The following NOL4 variants were observed in gnomAD, a reference collection of about 807,000 sequenced individuals.
NOL4 encodes cancer/testis antigen 125.
Under a neutral mutation model 75.9 loss-of-function variants are expected in NOL4, and 17 were observed. That is an observed-to-expected ratio of 0.22 (90% confidence interval 0.15 to 0.34). The LOEUF is 0.34. Among genes scored for constraint, NOL4 ranks in the 10% least tolerant of loss-of-function variants. The pLI, the probability that NOL4 is intolerant of heterozygous loss-of-function variation, is 1.00. For synonymous variants in NOL4, 292 were observed against 289.9 expected (o/e 1.01, Z -0.07); for missense variants, 614 against 793.5 (o/e 0.77, Z 2.72).
At chr18:34,205,700 G>T (rs2036076091) in intron 1 of NOL4, among the ~76,000 whole-genome samples, 1 of 152,076 alleles carries the variant, frequency 6.6e-6, no homozygotes, top group Non-Finnish European at 1.5e-5. Flanking sequence ...ATGGGAAAAT[G>T]TGTATATAAG....
chr18:34,161,996 T>A (rs2031557850), intron 1 of NOL4, among the ~76,000 whole-genome samples: 1 of 152,282 alleles, frequency 6.6e-6, no homozygotes, highest in Non-Finnish European at 1.5e-5. Context: ...TTCTAAACTA[T>A]CTGCCAAACT....
intron 1 of NOL4, chr18:34,158,619 C>G (rs948392827): frequency 5.9e-5 from 9 of 152,140 alleles, no homozygotes; most frequent in Non-Finnish European, 1.0e-4. Flanking sequence ...CAGAATTGTT[C>G]TACTCATTTG....
intron 6 of NOL4, among the ~76,000 whole-genome samples, chr18:33,971,847 G>A (rs1403671236): frequency 6.6e-6 from 1 of 152,024 alleles, no homozygotes; most frequent in African/African-American, 2.4e-5. Context: ...ACTCTTTGAT[G>A]TGTAAATTAA....
At chr18:33,942,754 A>G (rs145150744) in intron 9 of NOL4, among the ~76,000 whole-genome samples, 129 of 151,976 alleles carry the variant, frequency 8.5e-4, no homozygotes, top group African/African-American at 3.0e-3. Context: ...AGGTAAATTT[A>G]CAAAGCTGTT....
chr18:33,890,591 G>A (rs748737584), intron 9 of NOL4, among the ~76,000 whole-genome samples: 16 of 151,902 alleles, frequency 1.1e-4, no homozygotes, highest in Non-Finnish European at 2.1e-4. Context: ...AATGATATTG[G>A]GCCAGCATCA....
chr18:34,168,182 C>T (rs1287954579), intron 1 of NOL4, among the ~76,000 whole-genome samples: 1 of 151,670 alleles, frequency 6.6e-6, no homozygotes, highest in Non-Finnish European at 1.5e-5. Context: ...TGCAATGAAC[C>T]TGTAGAATAC....
chr18:34,105,063 C>T lies in NOL4; in HGVS notation c.512G>A (p.Gly171Glu). Residue 171 changes from glycine (G) to glutamate (E), a missense_variant, in exon 3 of 11, where the codon GGA becomes GAA. This residue lies in a region of NOL4 where 135 missense variants were observed against 220.4 expected (regional missense o/e 0.61). Coordinates refer to ENST00000261592, the MANE Select transcript of NOL4 (RefSeq NM_003787.5). ...CQKRMHLNPD[G>E]TDHKDNGKPP... The stretch of plus-strand genomic sequence containing the variant: ...ACTGCAGCTACCTTTATGATCTGTT[C>T]CATCTGGGTTTAAATGCATTCTTTT... 2 of 1,606,268 alleles carry T rather than the reference C, an allele frequency of 1.2e-6. No individual in the cohort carries two copies. Among genetic ancestry groups the T allele is most frequent in the Non-Finnish European group, 1.7e-6 (2 of 1,173,332 alleles).
At chr18:34,045,330 C>T (rs1274922341) in intron 5 of NOL4, among the ~76,000 whole-genome samples, 1 of 152,100 alleles carries the variant, frequency 6.6e-6, no homozygotes, top group Admixed American at 6.6e-5. Flanking sequence ...TGTTTCTATA[C>T]TAGTTTAGGC....
intron 6 of NOL4, among the ~76,000 whole-genome samples, chr18:34,018,784 T>C (rs889906320): frequency 6.6e-6 from 1 of 152,216 alleles, no homozygotes; most frequent in African/African-American, 2.4e-5. Flanking sequence ...TAATTTATGA[T>C]AAATCATTTC....
At chr18:33,901,098 T>C (rs2065723112) in intron 9 of NOL4, among the ~76,000 whole-genome samples, 1 of 152,194 alleles carries the variant, frequency 6.6e-6, no homozygotes, top group African/African-American at 2.4e-5. Context: ...GAAATGTCTT[T>C]GGAATTTTCA....
At chr18:34,089,397 C>G (rs951897383) in intron 5 of NOL4, among the ~76,000 whole-genome samples, 1 of 152,136 alleles carries the variant, frequency 6.6e-6, no homozygotes, top group African/African-American at 2.4e-5. Context: ...CAGACACATT[C>G]AACCAATGGC....
intron 10 of NOL4, among the ~76,000 whole-genome samples, chr18:33,875,592 C>G (rs182063390): frequency 6.6e-6 from 1 of 151,966 alleles, no homozygotes. Context: ...TGAACTGGAG[C>G]CTTCCTCTTT....
chr18:33,984,556 T>G lies in NOL4; in HGVS notation c.1057-26138A>C, dbSNP rs1353028027. On this transcript the variant is annotated intron_variant, in intron 6 of 10. Coordinates refer to ENST00000261592, the MANE Select transcript of NOL4 (RefSeq NM_003787.5). Reference sequence around the variant, plus strand: ...CTATCATCACCATAGTGAGTTCTCATGAACTCTGGTTGTTTGGAAGTGTGT... The same window carrying G: ...CTATCATCACCATAGTGAGTTCTCAGGAACTCTGGTTGTTTGGAAGTGTGT... Among the ~76,000 whole-genome samples the G allele has an allele frequency of 3.3e-5, 5 of 152,170 alleles. No homozygotes were observed. In the South Asian group the frequency reaches 1.0e-3, roughly 32 times the overall value.
intron 5 of NOL4, among the ~76,000 whole-genome samples, chr18:34,082,419 G>GTTTTTA (rs2078053315): frequency 6.6e-6 from 1 of 151,822 alleles, no homozygotes; most frequent in Non-Finnish European, 1.5e-5. Context: ...ACTTTAAAAA[G>GTTTTTA]CTTATTCCTC....
chr18:33,887,735 C>G (rs1003812378), intron 9 of NOL4, among the ~76,000 whole-genome samples: 1 of 152,108 alleles, frequency 6.6e-6, no homozygotes, highest in Non-Finnish European at 1.5e-5. Context: ...CATGTCCCTA[C>G]AAAGGACATG....
intron 10 of NOL4, among the ~76,000 whole-genome samples, chr18:33,857,233 G>T (rs183737538): frequency 6.6e-6 from 1 of 151,940 alleles, no homozygotes; most frequent in South Asian, 2.1e-4. Flanking sequence ...TTTACTTTGC[G>T]TTTGCATCAA....
At chr18:34,086,930 C>T (rs1185387921) in intron 5 of NOL4, among the ~76,000 whole-genome samples, 1 of 152,096 alleles carries the variant, frequency 6.6e-6, no homozygotes, top group Non-Finnish European at 1.5e-5. Context: ...CACATACAAA[C>T]ACATACATAT....
At chr18:34,207,762 T>A (rs2036222727) in intron 1 of NOL4, among the ~76,000 whole-genome samples, 1 of 152,254 alleles carries the variant, frequency 6.6e-6, no homozygotes, top group South Asian at 2.1e-4. Flanking sequence ...TCCAGGAACA[T>A]GTAGCCCTGA....
chr18:34,206,890 T>C (rs915290475), intron 1 of NOL4, among the ~76,000 whole-genome samples: 17 of 152,096 alleles, frequency 1.1e-4, no homozygotes, highest in African/African-American at 3.9e-4. Context: ...TTCCTGAGTC[T>C]GTTTTTTTAA....
Sources: allele counts gnomAD v4.1 joint callset (sites outside exome capture counted in the v4.1 genomes callset), GRCh38; gene constraint gnomAD v4.1.1; regional missense constraint gnomAD v4.1.1; transcripts MANE v1.5; gene names NCBI Gene and HGNC (gene_info 2026-07-23, HGNC 2026-07-21).